Variants in TCF7L1 observed in about 807,000 individuals in gnomAD.
TCF7L1 encodes the protein transcription factor 7 like 1.
TCF7L1 carries 18 observed loss-of-function variants against 63.7 expected under a neutral mutation model. The ratio of observed to expected loss-of-function variants is 0.28; its 90% CI spans 0.20 to 0.42. The LOEUF is 0.42. TCF7L1 is among the 10% of genes least tolerant of loss of function. The probability of loss-of-function intolerance (pLI) is 1.00; values close to 1 mark genes in which losing one functional copy is unlikely to be tolerated. For missense variants in TCF7L1, 654 were observed against 779.3 expected, an observed-to-expected ratio of 0.84 and a Z score of 1.91; for synonymous variants, 355 against 340.9, an observed-to-expected ratio of 1.04 and a Z score of -0.46.
At position 85,134,331 on chromosome 2, in the gene TCF7L1, C is replaced by A. The variant is rs376401396; in HGVS notation, c.322C>A (p.Pro108Thr). Residue 108 changes from proline to threonine, a missense_variant, in exon 3 of 12, where the codon CCT becomes ACT. Coordinates refer to ENST00000282111, the MANE Select transcript of TCF7L1 (RefSeq NM_031283.3). The surrounding 1 kb of genome is among the most constrained non-coding windows in gnomAD (Gnocchi z 5.0). ...PRDYFAEVRR[P>T]QDSAFFKGPP... ...CTTGGTCTTGTTCGCAGTGAGAAGG[C>A]CTCAGGACAGCGCGTTCTTTAAAGG... 6 of 1,584,288 alleles carry A rather than the reference C, an allele frequency of 3.8e-6. No individual in the cohort carries two copies. The highest frequency in any genetic ancestry group is 2.3e-5 in the East Asian group (1 of 43,204).
intron 4 of TCF7L1, among the ~76,000 whole-genome samples, chr2:85,294,025 G>GGTTTTTTTTTTTTT (rs1558658876): frequency 2.8e-5 from 2 of 70,562 alleles, no homozygotes; most frequent in East Asian, 9.4e-4. Flanking sequence ...TGAACACTGG[G>GGTTTTTTTTTTTTT]ATTTTTTTTT....
intron 3 of TCF7L1, among the ~76,000 whole-genome samples, chr2:85,218,351 G>A (rs956808977): frequency 1.3e-5 from 2 of 152,174 alleles, no homozygotes; most frequent in Non-Finnish European, 2.9e-5. Context: ...CGCCTCCTGG[G>A]CTCAAGCAAT....
intron 3 of TCF7L1, among the ~76,000 whole-genome samples, chr2:85,159,164 C>T (rs1678223677): frequency 1.3e-5 from 2 of 152,108 alleles, no homozygotes; most frequent in Non-Finnish European, 2.9e-5. Context: ...GAGAGATTGG[C>T]GTTTGAGACA....
At chr2:85,229,568 G>A (rs1680027509) in intron 3 of TCF7L1, among the ~76,000 whole-genome samples, 1 of 152,194 alleles carries the variant, frequency 6.6e-6, no homozygotes, top group Admixed American at 6.5e-5. Context: ...CACATTCAGA[G>A]GGGTCATCAC....
chr2:85,253,366 G>C (rs76549398), intron 3 of TCF7L1, among the ~76,000 whole-genome samples: 21 of 152,150 alleles, frequency 1.4e-4, no homozygotes, highest in Middle Eastern at 3.4e-3. Flanking sequence ...TCACAGGGGC[G>C]GGGGCGGGGA....
In TCF7L1 at chr2:85,147,299, G is replaced by A. The variant is rs189186716; in HGVS notation, c.441+12849G>A. 5.3e-5 allele frequency among the ~76,000 whole-genome samples: 8 copies of A among 152,174 alleles called. No homozygotes were observed. The East Asian group carries it at 5.8e-4, about 11-fold the overall frequency. ...TGATGAAGCTTTTCGTGGGGGGTCC[G>A]GGTAGCAAAATACTCTCACCCTGTC... On this transcript the variant is annotated intron_variant, in intron 3 of 11. Transcript: ENST00000282111.
intron 3 of TCF7L1, among the ~76,000 whole-genome samples, chr2:85,192,938 C>T (rs1453367913): frequency 6.6e-6 from 1 of 152,108 alleles, no homozygotes; most frequent in Admixed American, 6.5e-5. Flanking sequence ...ATCCTCCCAC[C>T]TCAGCCTCAT....
rs566806913 is a variant in TCF7L1, at chr2:85,133,705, G to GGGCGGC, written c.37_42dup (p.Gly13_Gly14dup). On this transcript the variant is annotated inframe_insertion, in exon 1 of 12. Coordinates refer to ENST00000282111, the MANE Select transcript of TCF7L1 (RefSeq NM_031283.3). The surrounding 1 kb of genome is among the most constrained non-coding windows in gnomAD (Gnocchi z 4.4). ...CCACCATGCCCCAGCTCGGCGGCGG[G>GGGCGGC]GGCGGCGGCGGCGGCGGCGGCAGCG... 9,709 of 1,076,692 alleles carry GGGCGGC rather than the reference G, an allele frequency of 9.0e-3. 47 individuals are homozygous for GGGCGGC. The highest frequency in any genetic ancestry group is 1.0e-2 in the Non-Finnish European group (8,868 of 889,288). 66.7% of individuals were successfully genotyped at this position (1,076,692 alleles called of 1,614,324 possible).
chr2:85,302,067 G>A (rs544512905), intron 4 of TCF7L1, among the ~76,000 whole-genome samples: 22 of 152,214 alleles, frequency 1.4e-4, no homozygotes, highest in Admixed American at 1.3e-3. Flanking sequence ...GGCAGAGGCT[G>A]CAGTGAGCCG....
chr2:85,238,621 C>T (rs1680249429), intron 3 of TCF7L1, among the ~76,000 whole-genome samples: 1 of 151,982 alleles, frequency 6.6e-6, no homozygotes, highest in Non-Finnish European at 1.5e-5. Flanking sequence ...TCTATGCCCT[C>T]ATGGATATCA....
At chr2:85,279,463 G>C (rs1412807192) in intron 3 of TCF7L1, among the ~76,000 whole-genome samples, 2 of 152,194 alleles carry the variant, frequency 1.3e-5, no homozygotes, top group Non-Finnish European at 2.9e-5. Flanking sequence ...GGCTAGGCCT[G>C]ATGCTAGGAA....
At chr2:85,249,315 C>T (rs984820070) in intron 3 of TCF7L1, among the ~76,000 whole-genome samples, 5 of 152,150 alleles carry the variant, frequency 3.3e-5, no homozygotes, top group South Asian at 2.1e-4. Context: ...CCCCGATTCT[C>T]GTGCAGTTAC....
At chr2:85,241,730 C>G (rs971018419) in intron 3 of TCF7L1, among the ~76,000 whole-genome samples, 17 of 152,046 alleles carry the variant, frequency 1.1e-4, no homozygotes, top group African/African-American at 4.1e-4. Context: ...TAGGCATGAG[C>G]CATCGGGCCC....
At chr2:85,221,092 C>T (rs1287676773) in intron 3 of TCF7L1, among the ~76,000 whole-genome samples, 1 of 152,156 alleles carries the variant, frequency 6.6e-6, no homozygotes, top group Non-Finnish European at 1.5e-5. Context: ...AGCAGCCAAA[C>T]TGAGTAAGAC....
chr2:85,134,477 A>C lies in TCF7L1; in HGVS notation c.441+27A>C. 2 of 1,542,592 alleles carry C rather than the reference A, an allele frequency of 1.3e-6. No homozygotes were observed. On this transcript the variant is annotated intron_variant, in intron 3 of 11. Coordinates refer to ENST00000282111, the MANE Select transcript of TCF7L1 (RefSeq NM_031283.3). The surrounding 1 kb of genome is among the most constrained non-coding windows in gnomAD (Gnocchi z 5.0). Reference sequence around the variant, plus strand: ...TGAGTGCCCGTCGGGCGCGCCGGGGAGGGTGGGAGGCCGCGGCCCGCAGGA... The same window carrying C: ...TGAGTGCCCGTCGGGCGCGCCGGGGCGGGTGGGAGGCCGCGGCCCGCAGGA...
At chr2:85,297,524 A>G (rs1681859178) in intron 4 of TCF7L1, among the ~76,000 whole-genome samples, 1 of 152,152 alleles carries the variant, frequency 6.6e-6, no homozygotes, top group Non-Finnish European at 1.5e-5. Context: ...TTCTTTCAAA[A>G]TGTGAAAGTC....
intron 3 of TCF7L1, among the ~76,000 whole-genome samples, chr2:85,235,593 G>A (rs747343784): frequency 3.3e-5 from 5 of 152,134 alleles, no homozygotes; most frequent in Middle Eastern, 3.4e-3. Context: ...CAGAAGCCTC[G>A]CGGAGCTCAA....
chr2:85,229,674 T>A (rs1680032133), intron 3 of TCF7L1, among the ~76,000 whole-genome samples: 1 of 152,102 alleles, frequency 6.6e-6, no homozygotes, highest in African/African-American at 2.4e-5. Context: ...TTTTTTAAAT[T>A]TTACTTAATC....
intron 3 of TCF7L1, among the ~76,000 whole-genome samples, chr2:85,214,958 A>G (rs1426402660): frequency 1.3e-5 from 2 of 152,332 alleles, no homozygotes; most frequent in East Asian, 3.9e-4. Context: ...GGTTCAGTCC[A>G]GACATTTAAA....
Sources: gnomAD v4.1 joint callset for allele counts (sites outside exome capture counted in the v4.1 genomes callset) on GRCh38, gnomAD v4.1.1 for gene constraint, Gnocchi (gnomAD v3.1) non-coding constraint, MANE v1.5 for transcripts, NCBI Gene and HGNC (gene_info 2026-07-23, HGNC 2026-07-21) for gene names.